The following TIMP1 variants were observed in gnomAD, a reference collection of about 807,000 sequenced individuals.
The protein encoded by TIMP1 is metalloproteinase inhibitor 1.
A neutral mutation model predicts 13.7 loss-of-function variants in TIMP1; 5 were observed. The observed-to-expected ratio is 0.36, with a 90% CI of 0.19 to 0.76. The LOEUF (loss-of-function observed/expected upper bound fraction) is 0.76, where lower values mean the gene tolerates loss of function less well. Among genes scored for constraint, TIMP1 ranks in the 30% least tolerant of loss-of-function variants. The pLI, the probability that TIMP1 is intolerant of heterozygous loss-of-function variation, is 0.51. For synonymous variants in TIMP1, 63 were observed against 67.1 expected (o/e 0.94, Z 0.30); for missense variants, 131 against 168.4 (o/e 0.78, Z 1.23).
In TIMP1 at chrX:47,586,641, C is replaced by T. The variant is rs192373432; in HGVS notation, c.574C>T (p.Arg192Trp). The T allele has an allele frequency of 2.5e-4, 305 of 1,210,518 alleles. 1 individual carries two copies. In the East Asian group the frequency reaches 8.0e-3, roughly 32 times the overall value. ...GTCCCGTCACCTTGCCTGCCTGCCT[C>T]GGGAGCCAGGGCTGTGCACCTGGCA... ...FQSRHLACLPREPGLCTWQSL... is the reference protein window; with the variant it reads ...FQSRHLACLPWEPGLCTWQSL... Residue 192 changes from arginine to tryptophan, a missense_variant, in exon 6 of 6, where the codon CGG becomes TGG. Arg to Trp is a moderately radical substitution (Grantham distance 101). Coordinates refer to ENST00000218388, the MANE Select transcript of TIMP1 (RefSeq NM_003254.3).
chrX:47,584,889 T>C (rs757641268), intron 2 of TIMP1, 47 bp from the exon 3 acceptor site: 3 of 1,063,594 alleles, frequency 2.8e-6, no homozygotes, highest in Non-Finnish European at 3.9e-6. Context: ...CTTATTTTTA[T>C]TGGCTCATGC....
In TIMP1 at chrX:47,583,672, C is replaced by T. The variant is rs1164764335; in HGVS notation, c.121+136C>T. 9.7e-6 allele frequency: 7 copies of T among 720,664 alleles called. No homozygotes were observed. In the East Asian group the frequency reaches 1.9e-4, roughly 19 times the overall value. The allele number at this position is 720,664 out of a possible 1,213,427, so 59.4% of individuals were successfully genotyped here. A position where few individuals can be genotyped will look rare whatever the true frequency, so the allele number is the denominator to read the frequency against. On this transcript the variant is annotated intron_variant, in intron 2 of 5. Transcript: ENST00000218388. ...CCTCTGCTTTAGCCACACTGGCATC[C>T]TCACACTTCCTTGAGTACTCTGTGC...
rs768082237 is a variant in TIMP1, at chrX:47,585,297, G to A, written c.294G>A (p.Arg98=). The A allele has an allele frequency of 6.9e-5, 84 of 1,210,011 alleles. 1 individual carries two copies. In the South Asian group the frequency reaches 1.4e-3, roughly 21 times the overall value. The stretch of plus-strand genomic sequence containing the variant: ...AGAGTGTCTGCGGATACTTCCACAG[G>A]TCCCACAACCGCAGCGAGGAGTTTC... ...AMESVCGYFH[R]SHNRSEEFLI... Residue 98 remains arginine, a synonymous_variant, in exon 4 of 6, where the codon AGG becomes AGA. Transcript: ENST00000218388.
rs1288265677 is a variant in TIMP1, at chrX:47,586,708, A to G, written c.*17A>G. On this transcript the variant is annotated 3_prime_UTR_variant, in exon 6 of 6. Coordinates refer to ENST00000218388, the MANE Select transcript of TIMP1 (RefSeq NM_003254.3). The stretch of plus-strand genomic sequence containing the variant: ...ATAGCCTGAATCCTGCCCGGAGTGG[A>G]AGCTGAAGCCTGCACAGTGTCCACC... 1 of 1,203,987 alleles carries G rather than the reference A, an allele frequency of 8.3e-7. No individual in the cohort carries two copies. The highest frequency in any genetic ancestry group is 1.7e-5 in the African/African-American group (1 of 57,759).
At chrX:47,583,311 C>T in intron 1 of TIMP1, 97 bp from the exon 2 acceptor site, 1 of 732,540 alleles carries the variant, frequency 1.4e-6, no homozygotes, top group Non-Finnish European at 2.0e-6. Context: ...CCCTAATCCC[C>T]CCCATAGGCT....
chrX:47,586,610 C>T lies in TIMP1; in HGVS notation c.543C>T (p.Gly181=), dbSNP rs1282228964. ...TDQLLQGSEK[G]FQSRHLACLP... Reference sequence around the variant, plus strand: ...AGCTCCTCCAAGGCTCTGAAAAGGGCTTCCAGTCCCGTCACCTTGCCTGCC... The same window carrying T: ...AGCTCCTCCAAGGCTCTGAAAAGGGTTTCCAGTCCCGTCACCTTGCCTGCC... The change falls in exon 6 of 6, where the codon GGC becomes GGT. Residue 181 remains glycine, a synonymous_variant. Transcript: ENST00000218388. 5.8e-6 allele frequency: 7 copies of T among 1,212,168 alleles called. No homozygotes were observed. Among genetic ancestry groups the T allele is most frequent in the Non-Finnish European group, 7.8e-6 (7 of 895,625 alleles).
intron 2 of TIMP1, among the ~76,000 whole-genome samples, 176 bp downstream of exon 2, chrX:47,583,712 G>A (rs55696512): frequency 0.28 from 31,276 of 110,765 alleles, 3,561 homozygotes; most frequent in South Asian, 0.45. Context: ...GCCCACCACA[G>A]GATCTGCATG....
At chrX:47,586,025 T>C (rs1308870510) in intron 5 of TIMP1, 1 of 987,916 alleles carries the variant, frequency 1.0e-6, no homozygotes, top group Non-Finnish European at 1.3e-6. Flanking sequence ...CTAATCCCAC[T>C]GACCCTTCCT....
intron 1 of TIMP1, 99 bp from the exon 2 acceptor site, chrX:47,583,298 GCCCCCTAATCC>G: frequency 3.6e-6 from 2 of 548,035 alleles, no homozygotes; most frequent in South Asian, 7.5e-5. Context: ...CCCAAATCCA[GCCCCCTAATCC>G]CCCCCATAGG....
In TIMP1 at chrX:47,583,681, C is replaced by G. The variant is rs765533103; in HGVS notation, c.121+145C>G. 1.2e-4 allele frequency: 78 copies of G among 662,725 alleles called. No individual in the cohort carries two copies. In the African/African-American group the frequency reaches 1.6e-3, roughly 14 times the overall value. The allele number at this position is 662,725 out of a possible 1,213,427, so 54.6% of individuals were successfully genotyped here. Reference sequence around the variant, plus strand: ...TAGCCACACTGGCATCCTCACACTTCCTTGAGTACTCTGTGCCCAAGCCCA... The same window carrying G: ...TAGCCACACTGGCATCCTCACACTTGCTTGAGTACTCTGTGCCCAAGCCCA... On this transcript the variant is annotated intron_variant, in intron 2 of 5. Transcript: ENST00000218388.
In TIMP1 at chrX:47,584,938, A is replaced by C; in HGVS notation, c.124A>C (p.Ile42Leu). The C allele has an allele frequency of 1.7e-6, 2 of 1,210,856 alleles. No individual in the cohort carries two copies. Among genetic ancestry groups the C allele is most frequent in the Non-Finnish European group, 2.2e-6 (2 of 894,934 alleles). ...CATATTTCCCTCCTCTCCTGCAGTC[A>C]TCAGGGCCAAGTTCGTGGGGACACC... Reference protein sequence around the residue: ...QTAFCNSDLVIRAKFVGTPEV... With the variant: ...QTAFCNSDLVLRAKFVGTPEV... Residue 42 changes from isoleucine to leucine, a missense_variant and splice_region_variant, in exon 3 of 6, where the codon ATC becomes CTC. Ile to Leu is a conservative substitution (Grantham distance 5). Transcript: ENST00000218388.
rs754889950 is a variant in TIMP1, at chrX:47,585,604, C to T, written c.390C>T (p.Ser130=). 1.8e-5 allele frequency: 21 copies of T among 1,196,434 alleles called. No homozygotes were observed. Among genetic ancestry groups the T allele is most frequent in the Middle Eastern group, 4.6e-4 (2 of 4,315 alleles). The change falls in exon 5 of 6, where the codon AGC becomes AGT. Residue 130 remains serine (S), a synonymous_variant. Transcript: ENST00000218388. ...TTCSFVAPWN[S]LSLAQRRGFT... is the part of the protein sequence containing the mutation. ...GCAGTTTTGTGGCTCCCTGGAACAG[C>T]CTGAGCTTAGCTCAGCGCCGGGGCT...
rs764050293 is a variant in TIMP1 at position 47,585,404 on chromosome X, C to T, written c.328+73C>T. 1.1e-5 allele frequency: 13 copies of T among 1,200,496 alleles called. No individual in the cohort carries two copies. In the South Asian group the frequency reaches 2.2e-4, roughly 20 times the overall value. On this transcript the variant is annotated intron_variant, in intron 4 of 5. Coordinates refer to ENST00000218388, the MANE Select transcript of TIMP1 (RefSeq NM_003254.3). Reference sequence around the variant, plus strand: ...GCGCGGCCTAGCAACCACGAGGGGGCGAGGCTCTGATGGGAATGGTCCCAC... The same window carrying T: ...GCGCGGCCTAGCAACCACGAGGGGGTGAGGCTCTGATGGGAATGGTCCCAC...
At chrX:47,584,275 A>G (rs1237145053) in intron 2 of TIMP1, among the ~76,000 whole-genome samples, 1 of 111,002 alleles carries the variant, frequency 9.0e-6, no homozygotes, top group Non-Finnish European at 1.9e-5. Context: ...GGATGATCAG[A>G]GATTGAGGAT....
At chrX:47,585,403 G>A (rs1172953948) in intron 4 of TIMP1, 72 bp downstream of exon 4, 1 of 1,199,297 alleles carries the variant, frequency 8.3e-7, no homozygotes, top group East Asian at 3.0e-5. Flanking sequence ...CCACGAGGGG[G>A]CGAGGCTCTG....
chrX:47,586,510 C>T lies in TIMP1; in HGVS notation c.454-11C>T, dbSNP rs1451152414. 8.3e-7 allele frequency: 1 copy of T among 1,207,962 alleles called. No homozygotes were observed. Among genetic ancestry groups the T allele is most frequent in the Non-Finnish European group, 1.1e-6 (1 of 893,696 alleles). ...AGAAGCCCTCAGAGATGTTTCCCTC[C>T]TCCCTTCCAGGTGTTTCCCTGTTTA... On this transcript the variant is annotated splice_polypyrimidine_tract_variant and intron_variant, in intron 5 of 5. Transcript: ENST00000218388.
intron 1 of TIMP1, among the ~76,000 whole-genome samples, chrX:47,582,918 C>T (rs1246440028): frequency 1.2e-5 from 1 of 85,884 alleles, no homozygotes; most frequent in Non-Finnish European, 2.3e-5. Flanking sequence ...CCCAAATTCC[C>T]CCAACCCCTT....
At chrX:47,585,936 T>C (rs2057824092) in intron 5 of TIMP1, 3 of 1,101,269 alleles carry the variant, frequency 2.7e-6, no homozygotes, top group South Asian at 2.0e-5. Context: ...TATTCTGTAA[T>C]CCCACTCCCC....
chrX:47,584,211 T>G (rs953601195), intron 2 of TIMP1, among the ~76,000 whole-genome samples: 4 of 109,359 alleles, frequency 3.7e-5, no homozygotes, highest in African/African-American at 1.0e-4. Context: ...GATCAGGTAT[T>G]GAGGATGATC....
Sources: gnomAD v4.1 joint callset for allele counts (sites outside exome capture counted in the v4.1 genomes callset) on GRCh38, gnomAD v4.1.1 for gene constraint, MANE v1.5 for transcripts, NCBI Gene and HGNC (gene_info 2026-07-23, HGNC 2026-07-21) for gene names.